Variants in ASAP1 observed in about 807,000 individuals in gnomAD.
The protein encoded by ASAP1 is ArfGAP with SH3 domain, ankyrin repeat and PH domain 1.
A neutral mutation model predicts 145.2 loss-of-function variants in ASAP1; 43 were observed. The ratio of observed to expected loss-of-function variants is 0.30; its 90% CI spans 0.23 to 0.38. ASAP1 has a LOEUF of 0.38. Ranked by LOEUF, ASAP1 falls within the 10% of genes least tolerant of loss-of-function variation. ASAP1 has a pLI of 1.00. For missense variants in ASAP1, 1,018 were observed against 1,355.3 expected (o/e 0.75, Z 3.91); for synonymous variants, 546 against 515.5 (o/e 1.06, Z -0.80).
chr8:130,434,605 C>T (rs1432073859), intron 1 of ASAP1, among the ~76,000 whole-genome samples: 2 of 152,152 alleles, frequency 1.3e-5, no homozygotes, highest in African/African-American at 4.8e-5. Flanking sequence ...TCCTACCCTC[C>T]ACCCGCCAAG....
intron 2 of ASAP1, among the ~76,000 whole-genome samples, chr8:130,359,450 G>A (rs533638136): frequency 1.4e-3 from 208 of 149,272 alleles, no homozygotes; most frequent in African/African-American, 3.5e-3. Flanking sequence ...AGAAGAAGAA[G>A]AAAAAAAAAG....
chr8:130,428,018 C>G (rs1829987488), intron 1 of ASAP1, among the ~76,000 whole-genome samples: 1 of 152,202 alleles, frequency 6.6e-6, no homozygotes, highest in African/African-American at 2.4e-5. Context: ...AACCTCTTCT[C>G]CAATCCTTCT....
intron 24 of ASAP1, among the ~76,000 whole-genome samples, chr8:130,100,762 T>C (rs180780450): frequency 6.6e-5 from 10 of 152,362 alleles, no homozygotes; most frequent in East Asian, 1.9e-4. Flanking sequence ...GATGAATAGT[T>C]TGCAGATAGT....
chr8:130,217,537 T>TACACACACACACACACACACACAC lies in ASAP1; in HGVS notation c.260-2837_260-2836insGTGTGTGTGTGTGTGTGTGTGTGT, dbSNP rs71302402. On this transcript the variant is annotated intron_variant, in intron 4 of 29. Coordinates refer to ENST00000518721, the MANE Select transcript of ASAP1 (RefSeq NM_018482.4). ...ATGTGTATATATGTGTGTATATATG[T>TACACACACACACACACACACACAC]ACACACACACACACACACACACAGA... is the stretch of plus-strand genomic sequence containing the variant. 5.2e-4 allele frequency among the ~76,000 whole-genome samples: 78 copies of TACACACACACACACACACACACAC among 148,984 alleles called. 1 individual carries two copies. Among genetic ancestry groups the TACACACACACACACACACACACAC allele is most frequent in the Non-Finnish European group, 8.0e-4 (54 of 67,312 alleles).
chr8:130,434,544 T>A (rs1182615793), intron 1 of ASAP1, among the ~76,000 whole-genome samples: 2 of 152,088 alleles, frequency 1.3e-5, no homozygotes, highest in Non-Finnish European at 2.9e-5. Flanking sequence ...ATAATAGCTA[T>A]CACTATTGAT....
intron 2 of ASAP1, chr8:130,361,004 G>A (rs57346252): frequency 0.037 from 5,753 of 153,850 alleles, 365 homozygotes; most frequent in African/African-American, 0.13. Flanking sequence ...GACAACACAC[G>A]GCACTTAGGC....
intron 1 of ASAP1, among the ~76,000 whole-genome samples, chr8:130,441,721 TG>T (rs1413006517): frequency 2.6e-5 from 4 of 152,160 alleles, no homozygotes; most frequent in Non-Finnish European, 5.9e-5. Flanking sequence ...CTGTGGCTGG[TG>T]AGGACTGGGG....
chr8:130,092,252 G>A, intron 24 of ASAP1, 109 bp from the exon 25 acceptor site: 1 of 1,224,970 alleles, frequency 8.2e-7, no homozygotes, highest in Non-Finnish European at 1.1e-6. Flanking sequence ...GACACACAGA[G>A]ACAAAAGCAA....
chr8:130,108,118 C>T (rs1048638675), intron 24 of ASAP1, among the ~76,000 whole-genome samples: 5 of 152,236 alleles, frequency 3.3e-5, no homozygotes, highest in Non-Finnish European at 5.9e-5. Context: ...CATCTATTGA[C>T]GCTCTCAGTA....
At chr8:130,407,388 G>C (rs1464643474) in intron 1 of ASAP1, among the ~76,000 whole-genome samples, 1 of 152,234 alleles carries the variant, frequency 6.6e-6, no homozygotes. Flanking sequence ...CTCAGGCTGA[G>C]ATGCAGGAAG....
At chr8:130,353,938 G>A (rs968950441) in intron 3 of ASAP1, among the ~76,000 whole-genome samples, 2 of 152,018 alleles carry the variant, frequency 1.3e-5, no homozygotes, top group Admixed American at 6.6e-5. Context: ...CCAGGCTGGA[G>A]TGCAGTGGCG....
At chr8:130,296,051 C>A (rs1822254035) in intron 3 of ASAP1, among the ~76,000 whole-genome samples, 1 of 152,146 alleles carries the variant, frequency 6.6e-6, no homozygotes, top group Non-Finnish European at 1.5e-5. Flanking sequence ...GAAACCCCAG[C>A]CAAGTGGAAT....
At chr8:130,247,706 A>G (rs1228980366) in intron 3 of ASAP1, among the ~76,000 whole-genome samples, 1 of 152,176 alleles carries the variant, frequency 6.6e-6, no homozygotes, top group African/African-American at 2.4e-5. Context: ...AGCAGGTCAG[A>G]CGTGAGCTGC....
intron 5 of ASAP1, among the ~76,000 whole-genome samples, chr8:130,209,625 A>T (rs1018258753): frequency 6.6e-6 from 1 of 152,134 alleles, no homozygotes; most frequent in Non-Finnish European, 1.5e-5. Context: ...TTTTTATCAC[A>T]TCTTGACCCT....
At chr8:130,094,228 T>G (rs538957183) in intron 24 of ASAP1, among the ~76,000 whole-genome samples, 1 of 152,316 alleles carries the variant, frequency 6.6e-6, no homozygotes, top group East Asian at 1.9e-4. Flanking sequence ...AAATTTTTTT[T>G]GAGACAAGGT....
chr8:130,395,386 G>A (rs1448829090), intron 2 of ASAP1, among the ~76,000 whole-genome samples: 1 of 152,240 alleles, frequency 6.6e-6, no homozygotes, highest in Non-Finnish European at 1.5e-5. Context: ...TATAATTAAG[G>A]TGGTGATTAA....
At chr8:130,167,406 G>C (rs781683962) in intron 11 of ASAP1, 130 bp downstream of exon 11, 19 of 820,406 alleles carry the variant, frequency 2.3e-5, no homozygotes, top group Non-Finnish European at 3.9e-5. Context: ...TTCTACATGG[G>C]GCTTATGGTA....
At chr8:130,394,918 C>G (rs554276671) in intron 2 of ASAP1, among the ~76,000 whole-genome samples, 2 of 152,342 alleles carry the variant, frequency 1.3e-5, no homozygotes, top group African/African-American at 2.4e-5. Flanking sequence ...GACCAGCAAA[C>G]AGCAGAACCA....
chr8:130,283,310 G>A (rs1821365277), intron 3 of ASAP1, among the ~76,000 whole-genome samples: 1 of 152,134 alleles, frequency 6.6e-6, no homozygotes, highest in Admixed American at 6.5e-5. Flanking sequence ...ACTGGGTACA[G>A]TGGTTCACGC....
Sources: gnomAD v4.1 joint callset for allele counts (sites outside exome capture counted in the v4.1 genomes callset) on GRCh38, gnomAD v4.1.1 for gene constraint, MANE v1.5 for transcripts, NCBI Gene and HGNC (gene_info 2026-07-23, HGNC 2026-07-21) for gene names.